The following PMFBP1 variants were observed in gnomAD, a reference collection of about 807,000 sequenced individuals.
PMFBP1 encodes polyamine-modulated factor 1-binding protein 1.
PMFBP1 carries 131 observed loss-of-function variants against 137.8 expected under a neutral mutation model. That is an observed-to-expected ratio of 0.95 (90% CI 0.82 to 1.10). PMFBP1 has a LOEUF of 1.10. PMFBP1 is among the 50% of genes least tolerant of loss of function. The pLI is 0.00. For synonymous variants in PMFBP1, 490 were observed against 450.4 expected, an observed-to-expected ratio of 1.09 and a Z score of -1.11; for missense variants, 1,199 against 1,175.4, an observed-to-expected ratio of 1.02 and a Z score of -0.29.
chr16:72,173,676 T>C (rs1015119277), upstream of PMFBP1, among the ~76,000 whole-genome samples: 2 of 152,274 alleles, frequency 1.3e-5, no homozygotes, highest in Non-Finnish European at 2.9e-5. Flanking sequence ...TGATAAGTTT[T>C]TGATACATTT....
At chr16:72,193,408 T>A in the PMFBP1 span, among the ~76,000 whole-genome samples, 1 of 151,944 alleles carries the variant, frequency 6.6e-6, no homozygotes, top group Non-Finnish European at 1.5e-5. Flanking sequence ...AATAAATAAA[T>A]AAATTTATAT....
At chr16:72,167,112 T>A (rs1436775450) in intron 2 of PMFBP1, among the ~76,000 whole-genome samples, 1 of 152,136 alleles carries the variant, frequency 6.6e-6, no homozygotes, top group Non-Finnish European at 1.5e-5. Context: ...GATATGGACA[T>A]CGTAAATCAA....
At chr16:72,174,711 A>G (rs530136029), upstream of PMFBP1, among the ~76,000 whole-genome samples, 3 of 152,322 alleles carry the variant, frequency 2.0e-5, no homozygotes, top group East Asian at 1.9e-4. Context: ...CAGGAGAGAG[A>G]ATGAGTGCCA....
chr16:72,150,716 C>A lies in PMFBP1; in HGVS notation c.528G>T (p.Arg176Ser). ...LAGDKIASLE[R>S]SLNLYRDKYQ... Reference sequence around the variant, plus strand: ...ATTTATCCCTGTAGAGGTTTAAGCTCCTCTCTAGAGAGGCGATCTTGTCCC... The same window carrying A: ...ATTTATCCCTGTAGAGGTTTAAGCTACTCTCTAGAGAGGCGATCTTGTCCC... The change falls in exon 5 of 21, where the codon AGG (arginine) becomes AGT (serine). Residue 176 changes from arginine to serine, a missense_variant. By Grantham distance (110) the Arg-to-Ser change is moderately radical. Transcript: ENST00000237353. 1 of 1,614,202 alleles carries A rather than the reference C, an allele frequency of 6.2e-7. No individual in the cohort carries two copies.
At chr16:72,158,893 G>T (rs2043021360) in intron 3 of PMFBP1, among the ~76,000 whole-genome samples, 2 of 152,276 alleles carry the variant, frequency 1.3e-5, no homozygotes, top group Middle Eastern at 3.4e-3. Flanking sequence ...TACTTGGGAG[G>T]CTGAGGCGAG....
chr16:72,127,876 T>C (rs1046960634), intron 14 of PMFBP1, among the ~76,000 whole-genome samples: 6 of 152,180 alleles, frequency 3.9e-5, no homozygotes, highest in Admixed American at 3.9e-4. Context: ...TCATACTACT[T>C]TAAGATTTAT....
At chr16:72,186,881 A>C in the PMFBP1 span, among the ~76,000 whole-genome samples, 1 of 152,130 alleles carries the variant, frequency 6.6e-6, no homozygotes, top group Non-Finnish European at 1.5e-5. Context: ...GGGAGGCCTC[A>C]GTGGGCAGAT....
downstream of PMFBP1, among the ~76,000 whole-genome samples, chr16:72,118,706 T>C (rs953512095): frequency 2.0e-5 from 3 of 152,028 alleles, no homozygotes; most frequent in Non-Finnish European, 4.4e-5. Context: ...TTGAGGTGGC[T>C]GGGGAGGAAA....
intron 4 of PMFBP1, among the ~76,000 whole-genome samples, chr16:72,152,237 C>T (rs1275925953): frequency 6.6e-6 from 1 of 152,152 alleles, no homozygotes; most frequent in Admixed American, 6.5e-5. Context: ...GGCAGAATGT[C>T]TAAAATAATT....
At chr16:72,133,803 G>A (rs1005345618) in intron 9 of PMFBP1, among the ~76,000 whole-genome samples, 4 of 152,152 alleles carry the variant, frequency 2.6e-5, no homozygotes, top group Admixed American at 2.6e-4. Context: ...TGAAACTGGT[G>A]ATCAGCAGAC....
the PMFBP1 span, among the ~76,000 whole-genome samples, chr16:72,237,057 A>G: frequency 4.6e-5 from 7 of 152,330 alleles, no homozygotes; most frequent in African/African-American, 7.2e-5. Flanking sequence ...TATGAACTAA[A>G]GCCAAGTTAC....
intron 3 of PMFBP1, among the ~76,000 whole-genome samples, chr16:72,157,897 T>C (rs1338227038): frequency 1.3e-5 from 2 of 152,310 alleles, no homozygotes; most frequent in East Asian, 3.9e-4. Flanking sequence ...TAGGATTTGC[T>C]GCTGGGTTAC....
At chr16:72,171,680 T>A (rs982864810) in intron 1 of PMFBP1, 1 of 154,978 alleles carries the variant, frequency 6.5e-6, no homozygotes, top group African/African-American at 2.4e-5. Context: ...GGACTACTAC[T>A]ATCCTCATTT....
At chr16:72,179,663 A>G (rs1381038459), upstream of PMFBP1, among the ~76,000 whole-genome samples, 3 of 152,224 alleles carry the variant, frequency 2.0e-5, no homozygotes, top group East Asian at 3.8e-4. Context: ...TTGGATCCAA[A>G]CTGGAATCTT....
At chr16:72,242,382 A>C in the PMFBP1 span, among the ~76,000 whole-genome samples, 1 of 152,246 alleles carries the variant, frequency 6.6e-6, no homozygotes, top group African/African-American at 2.4e-5. Context: ...TACATTTATG[A>C]ATTTAAAACC....
At position 72,136,547 on chromosome 16, in the gene PMFBP1, A is replaced by G; in HGVS notation, c.1104T>C (p.Ile368=). 6.2e-7 allele frequency: 1 copy of G among 1,613,314 alleles called. No individual in the cohort carries two copies. Among genetic ancestry groups the G allele is most frequent in the Non-Finnish European group, 8.5e-7 (1 of 1,179,796 alleles). ...HGLREETSAH[I]ERKDKDITIL... Reference sequence around the variant, plus strand: ...TGGTGATGTCCTTATCCTTCCTCTCAATGTGGGCAGATGTCTCCTCCCGCA... The same window carrying G: ...TGGTGATGTCCTTATCCTTCCTCTCGATGTGGGCAGATGTCTCCTCCCGCA... The change falls in exon 9 of 21, where the codon ATT becomes ATC. Residue 368 remains isoleucine, a synonymous_variant. Transcript: ENST00000237353.
the PMFBP1 span, among the ~76,000 whole-genome samples, chr16:72,191,123 G>A: frequency 6.6e-6 from 1 of 152,132 alleles, no homozygotes; most frequent in Admixed American, 6.5e-5. Flanking sequence ...TGAGGTAATA[G>A]GGCCATTATA....
At chr16:72,160,581 T>A (rs1477236544) in intron 3 of PMFBP1, among the ~76,000 whole-genome samples, 1 of 152,216 alleles carries the variant, frequency 6.6e-6, no homozygotes, top group African/African-American at 2.4e-5. Flanking sequence ...CCTAATGATT[T>A]TTTTTTTCAT....
At chr16:72,229,179 T>G in the PMFBP1 span, among the ~76,000 whole-genome samples, 1 of 152,198 alleles carries the variant, frequency 6.6e-6, no homozygotes, top group African/African-American at 2.4e-5. Flanking sequence ...GTCAAGTATA[T>G]TATCTCATTC....
Sources: gnomAD v4.1 joint callset for allele counts (sites outside exome capture counted in the v4.1 genomes callset) on GRCh38, gnomAD v4.1.1 for gene constraint, MANE v1.5 for transcripts, NCBI Gene and HGNC (gene_info 2026-07-23, HGNC 2026-07-21) for gene names.